The following ZFC3H1 variants were observed in gnomAD, a reference collection of about 807,000 sequenced individuals.
ZFC3H1 encodes zinc finger C3H1-type containing, also known as zinc finger C3H1 domain-containing protein.
Under a neutral mutation model 243.7 loss-of-function variants are expected in ZFC3H1, and 71 were observed. The ratio of observed to expected loss-of-function variants is 0.29; its 90% CI spans 0.24 to 0.36. The LOEUF (loss-of-function observed/expected upper bound fraction) is 0.36. ZFC3H1 is among the 10% of genes least tolerant of loss of function. The pLI is 1.00. For synonymous variants in ZFC3H1, 838 were observed against 813.0 expected (o/e 1.03, Z -0.52); for missense variants, 1,966 against 2,317.1 (o/e 0.85, Z 3.11).
In ZFC3H1 at chr12:71,657,183, T is replaced by C. The variant is rs367850122; in HGVS notation, c.717A>G (p.Leu239=). 14 of 1,613,812 alleles carry C rather than the reference T, an allele frequency of 8.7e-6. No homozygotes were observed. The highest frequency in any genetic ancestry group is 1.2e-5 in the Non-Finnish European group (14 of 1,179,908). ...GTTTTTCATCCTTATTGATGCATTC[T>C]AGTTCCAACTGTATTTGTTTATACT... ...LLKYKQIQLE[L]ECINKDEKLA... is the part of the protein sequence containing the mutation. Residue 239 remains leucine (L), a synonymous_variant, in exon 2 of 35, where the codon CTA becomes CTG. Coordinates refer to ENST00000378743, the MANE Select transcript of ZFC3H1 (RefSeq NM_144982.5).
In ZFC3H1 at chr12:71,630,729, A is replaced by T. The variant is rs756694054; in HGVS notation, c.3603-8T>A. 1.3e-5 allele frequency: 20 copies of T among 1,592,702 alleles called. No individual in the cohort carries two copies. Among genetic ancestry groups the T allele is most frequent in the South Asian group, 5.7e-5 (5 of 87,296 alleles). The stretch of plus-strand genomic sequence containing the variant: ...TAGTCTTGTATATGCTGCCTAAGAT[A>T]AAAAAAAACACAGAAAAGATAATCA... On this transcript the variant is annotated splice_region_variant and splice_polypyrimidine_tract_variant and intron_variant, in intron 17 of 34. Coordinates refer to ENST00000378743, the MANE Select transcript of ZFC3H1 (RefSeq NM_144982.5).
intron 11 of ZFC3H1, 149 bp from the exon 12 acceptor site, chr12:71,634,453 CA>C: frequency 9.1e-7 from 1 of 1,101,860 alleles, no homozygotes; most frequent in Non-Finnish European, 1.3e-6. Context: ...AGTCAGCATT[CA>C]AAGTTGATAG....
chr12:71,610,414 A>G lies in ZFC3H1; in HGVS notation c.*14T>C. On this transcript the variant is annotated 3_prime_UTR_variant, in exon 35 of 35. Coordinates refer to ENST00000378743, the MANE Select transcript of ZFC3H1 (RefSeq NM_144982.5). ...CAATTATTATAAGGACTTAGAACTG[A>G]CTGCACCCAGTGTTCAGTGATTCTT... 6.2e-7 allele frequency: 1 copy of G among 1,611,626 alleles called. No individual in the cohort carries two copies. Among genetic ancestry groups the G allele is most frequent in the South Asian group, 1.1e-5 (1 of 90,790 alleles).
chr12:71,629,544 A>G, intron 19 of ZFC3H1, 65 bp downstream of exon 19: 4 of 1,076,808 alleles, frequency 3.7e-6, no homozygotes, highest in Non-Finnish European at 5.4e-6. Context: ...TCCTTTTCAG[A>G]AAGAGATACA....
At chr12:71,629,987 T>C (rs946641026) in intron 18 of ZFC3H1, among the ~76,000 whole-genome samples, 2 of 151,862 alleles carry the variant, frequency 1.3e-5, no homozygotes, top group African/African-American at 4.8e-5. Context: ...AGCGATAAAA[T>C]AGATTCAGTG....
At chr12:71,648,549 A>C (rs892416812) in intron 2 of ZFC3H1, among the ~76,000 whole-genome samples, 1 of 152,194 alleles carries the variant, frequency 6.6e-6, no homozygotes, top group Non-Finnish European at 1.5e-5. Flanking sequence ...GCTAGGATTT[A>C]AACTAGATCT....
In ZFC3H1 at chr12:71,654,910, T is replaced by G. The variant is rs1880979529; in HGVS notation, c.1015+1975A>C. On this transcript the variant is annotated intron_variant, in intron 2 of 34. Transcript: ENST00000378743. ...ATGTGGCTATTAATATAAGACAAAA[T>G]AGTCTTTTAGGCAAAAACATCAGAG... Among the ~76,000 whole-genome samples, 2 of 152,100 alleles carry G rather than the reference T, an allele frequency of 1.3e-5. 1 individual carries two copies. The highest frequency in any genetic ancestry group is 4.8e-5 in the African/African-American group (2 of 41,434).
Position 71,631,998 on chromosome 12 carries a change from T to C in ZFC3H1, c.3334A>G (p.Ile1112Val), listed in dbSNP as rs374528551. 15 of 1,600,080 alleles carry C rather than the reference T, an allele frequency of 9.4e-6. No individual in the cohort carries two copies. The highest frequency in any genetic ancestry group is 1.3e-5 in the Non-Finnish European group (15 of 1,175,060). ...KQLILKTTTGITEKVLHGQEI... is the reference protein window; with the variant it reads ...KQLILKTTTGVTEKVLHGQEI... ...TGACCATGCAAAACCTTCTCTGTAA[T>C]GCCTGTGGTGGTTTTTAAAATCAGC... Residue 1112 changes from isoleucine (I) to valine (V), a missense_variant, in exon 15 of 35, where the codon ATT becomes GTT. Physicochemically the swap from Ile to Val is conservative, Grantham distance 29. Around this residue, in one of 4 missense-constraint regions of ZFC3H1, gnomAD observed 1,383 missense variants for 1,723.7 expected, o/e 0.80. Coordinates refer to ENST00000378743, the MANE Select transcript of ZFC3H1 (RefSeq NM_144982.5).
chr12:71,650,354 T>C lies in ZFC3H1; in HGVS notation c.1016-2541A>G, dbSNP rs182360508. 1.6e-4 allele frequency among the ~76,000 whole-genome samples: 24 copies of C among 152,358 alleles called. 1 individual carries two copies. In the South Asian group the frequency reaches 4.8e-3, roughly 30 times the overall value. The stretch of plus-strand genomic sequence containing the variant: ...TATAACTTTACACAAAGATTATAAA[T>C]GCAGGTTTAAACTGATCAAATGGGT... On this transcript the variant is annotated intron_variant, in intron 2 of 34. Coordinates refer to ENST00000378743, the MANE Select transcript of ZFC3H1 (RefSeq NM_144982.5).
At chr12:71,635,640 A>G in intron 9 of ZFC3H1, 60 bp from the exon 10 acceptor site, 1 of 1,458,708 alleles carries the variant, frequency 6.9e-7, no homozygotes, top group Non-Finnish European at 9.0e-7. Flanking sequence ...AACCTTGTTC[A>G]ATTTCAATCC....
At position 71,637,189 on chromosome 12, in the gene ZFC3H1, GTA is replaced by G. The variant is rs576896360; in HGVS notation, c.1726-132_1726-131del. 648 of 777,830 alleles carry G rather than the reference GTA, an allele frequency of 8.3e-4. 2 individuals are homozygous for G. Among genetic ancestry groups the G allele is most frequent in the Middle Eastern group, 7.0e-3 (18 of 2,564 alleles). 48.2% of individuals were successfully genotyped at this position (777,830 alleles called of 1,614,324 possible). On this transcript the variant is annotated intron_variant, in intron 7 of 34. Coordinates refer to ENST00000378743, the MANE Select transcript of ZFC3H1 (RefSeq NM_144982.5). ...TTTAGCTGTAAATATAGTAAGCTAA[GTA>G]TATGTTAACCTCAAAACAAACCAGA...
chr12:71,629,614 C>T lies in ZFC3H1; in HGVS notation c.3821G>A (p.Gly1274Asp). The change falls in exon 19 of 35, where the codon GGT becomes GAT. Residue 1274 changes from glycine to aspartate, a missense_variant. By Grantham distance (94) the Gly-to-Asp change is moderately conservative. This residue lies in a region of ZFC3H1 where 1,383 missense variants were observed against 1,723.7 expected (regional missense o/e 0.80). Coordinates refer to ENST00000378743, the MANE Select transcript of ZFC3H1 (RefSeq NM_144982.5). The stretch of plus-strand genomic sequence containing the variant: ...ACACTTATATATGTACTTACTATGA[C>T]CTTTACTTTCATTGATATTGCTAAC... ...LLVSNINESK[G>D]HTPPFTTYKD... 1 of 1,585,140 alleles carries T rather than the reference C, an allele frequency of 6.3e-7. No individual in the cohort carries two copies. Among genetic ancestry groups the T allele is most frequent in the South Asian group, 1.1e-5 (1 of 90,508 alleles).
Position 71,619,382 on chromosome 12 carries a change from A to G in ZFC3H1, c.5077T>C (p.Leu1693=), listed in dbSNP as rs1457447630. The change falls in exon 27 of 35, where the codon TTG becomes CTG. Residue 1693 remains leucine (L), a synonymous_variant. Transcript: ENST00000378743. ...QNRGDNLLPF[L]RKFIASFFKP... ...AAGAAGGATGCAATAAATTTCCGCA[A>G]AAATGGAAGAAGATTATCGCCTCGA... 1 of 1,613,760 alleles carries G rather than the reference A, an allele frequency of 6.2e-7. No individual in the cohort carries two copies. The highest frequency in any genetic ancestry group is 1.1e-5 in the South Asian group (1 of 91,060).
chr12:71,639,950 CAG>C (rs1273035913), intron 6 of ZFC3H1, among the ~76,000 whole-genome samples: 2 of 152,200 alleles, frequency 1.3e-5, no homozygotes, highest in South Asian at 2.1e-4. Flanking sequence ...ATTTTTGAGA[CAG>C]AGTCTCACTC....
intron 6 of ZFC3H1, among the ~76,000 whole-genome samples, chr12:71,641,720 C>T (rs770634743): frequency 9.2e-5 from 14 of 152,156 alleles, no homozygotes; most frequent in African/African-American, 1.4e-4. Context: ...TACAAATTAT[C>T]GTACTAGAAA....
chr12:71,657,778 C>G (rs1592604817), intron 1 of ZFC3H1, among the ~76,000 whole-genome samples: 1 of 152,226 alleles, frequency 6.6e-6, no homozygotes, highest in South Asian at 2.1e-4. Context: ...CACTTGAGGT[C>G]AGGAGTTTGA....
At chr12:71,659,405 TG>T (rs1219226524) in intron 1 of ZFC3H1, among the ~76,000 whole-genome samples, 2 of 152,224 alleles carry the variant, frequency 1.3e-5, no homozygotes, top group Non-Finnish European at 2.9e-5. Flanking sequence ...TGCATAGCTT[TG>T]TGTCTAAGTT....
At chr12:71,622,548 C>T (rs577760480) in intron 24 of ZFC3H1, among the ~76,000 whole-genome samples, 13 of 152,148 alleles carry the variant, frequency 8.5e-5, no homozygotes, top group South Asian at 4.2e-4. Flanking sequence ...CTGTAACCTT[C>T]GCCTCCTGGG....
intron 18 of ZFC3H1, 117 bp from the exon 19 acceptor site, chr12:71,629,827 T>G (rs1018938531): frequency 2.2e-5 from 14 of 639,246 alleles, no homozygotes; most frequent in Non-Finnish European, 3.8e-5. Flanking sequence ...TACTAGTCAA[T>G]AACACCTATG....
Sources: allele counts gnomAD v4.1 joint callset (sites outside exome capture counted in the v4.1 genomes callset), GRCh38; gene constraint gnomAD v4.1.1; regional missense constraint gnomAD v4.1.1; transcripts MANE v1.5; gene names NCBI Gene and HGNC (gene_info 2026-07-23, HGNC 2026-07-21).